Variants in GPC6 observed in about 807,000 individuals in gnomAD.
GPC6 encodes the protein glypican 6.
Under a neutral mutation model 55.2 loss-of-function variants are expected in GPC6, and 14 were observed. That is an observed-to-expected ratio of 0.25 (90% CI 0.17 to 0.40). The LOEUF (loss-of-function observed/expected upper bound fraction) is 0.40, where lower values mean the gene tolerates loss of function less well. Among genes scored for constraint, GPC6 ranks in the 10% least tolerant of loss-of-function variants. The pLI is 1.00. For missense variants in GPC6, 641 were observed against 708.5 expected (o/e 0.90, Z 1.08); for synonymous variants, 278 against 259.6 (o/e 1.07, Z -0.68).
intron 2 of GPC6, among the ~76,000 whole-genome samples, chr13:93,781,449 C>T (rs1182694295): frequency 3.9e-5 from 6 of 152,080 alleles, no homozygotes. Context: ...GTTAAGGGAT[C>T]GTTACAGGCA....
intron 4 of GPC6, chr13:94,187,386 A>C (rs1889235246): frequency 6.6e-6 from 1 of 152,222 alleles, no homozygotes; most frequent in South Asian, 2.1e-4. Context: ...AAGAAAAAGA[A>C]AGCAGAACGA....
chr13:93,276,654 C>T (rs867899781), intron 1 of GPC6, among the ~76,000 whole-genome samples: 3 of 151,944 alleles, frequency 2.0e-5, no homozygotes, highest in Non-Finnish European at 2.9e-5. Context: ...GGGGGTAAGG[C>T]AGCTCTTGGG....
intron 3 of GPC6, among the ~76,000 whole-genome samples, chr13:93,977,792 A>G (rs1409177158): frequency 6.6e-6 from 1 of 152,072 alleles, no homozygotes; most frequent in African/African-American, 2.4e-5. Flanking sequence ...CTTGTAGACA[A>G]TTCCCTGAAA....
chr13:94,061,491 C>T (rs1594704488), intron 4 of GPC6, among the ~76,000 whole-genome samples: 1 of 152,120 alleles, frequency 6.6e-6, no homozygotes, highest in East Asian at 1.9e-4. Flanking sequence ...ATAACTGCTC[C>T]TGCCCAAGGA....
At chr13:93,920,027 C>T (rs1386027895) in intron 3 of GPC6, among the ~76,000 whole-genome samples, 1 of 152,118 alleles carries the variant, frequency 6.6e-6, no homozygotes, top group Non-Finnish European at 1.5e-5. Flanking sequence ...AATCCAGCCT[C>T]TCCCATAATA....
At chr13:93,460,301 C>A (rs965413900) in intron 1 of GPC6, among the ~76,000 whole-genome samples, 2 of 152,094 alleles carry the variant, frequency 1.3e-5, no homozygotes, top group Non-Finnish European at 2.9e-5. Flanking sequence ...GGTTCTTCAA[C>A]CTTGGGGAAA....
intron 2 of GPC6, among the ~76,000 whole-genome samples, chr13:93,648,587 G>A (rs1022105973): frequency 1.3e-5 from 2 of 152,164 alleles, no homozygotes; most frequent in Non-Finnish European, 2.9e-5. Context: ...GAACTGCATA[G>A]GCAGTATTGC....
chr13:93,861,214 C>T (rs1245114953), intron 3 of GPC6, among the ~76,000 whole-genome samples: 2 of 149,758 alleles, frequency 1.3e-5, no homozygotes, highest in Non-Finnish European at 3.0e-5. Flanking sequence ...TTCTATTTCA[C>T]AGTAGTAAAA....
intron 1 of GPC6, among the ~76,000 whole-genome samples, chr13:93,515,508 G>T (rs2590523): frequency 0.94 from 143,160 of 151,990 alleles, 67,997 homozygotes; most frequent in East Asian, 1. Flanking sequence ...CTCCACCAAT[G>T]GCTAACTTCA....
At chr13:93,406,075 C>T (rs1194879431) in intron 1 of GPC6, among the ~76,000 whole-genome samples, 3 of 152,130 alleles carry the variant, frequency 2.0e-5, no homozygotes, top group African/African-American at 2.4e-5. Flanking sequence ...AGTGTCACTT[C>T]TACATTCTAT....
In GPC6 at chr13:94,296,375, A is replaced by G. The variant is rs865851624; in HGVS notation, c.1009-9605A>G. Among the ~76,000 whole-genome samples, 4 of 152,342 alleles carry G rather than the reference A, an allele frequency of 2.6e-5. No homozygotes were observed. In the South Asian group the frequency reaches 8.3e-4, roughly 32 times the overall value. On this transcript the variant is annotated intron_variant, in intron 5 of 8. Coordinates refer to ENST00000377047, the MANE Select transcript of GPC6 (RefSeq NM_005708.5). ...ACTCAAGAATAAATGATTGAAACACAATTCAGCTTTAACACTCAATGTGTA... is the reference window on the plus strand; with the variant it reads ...ACTCAAGAATAAATGATTGAAACACGATTCAGCTTTAACACTCAATGTGTA...
At chr13:94,315,316 A>G (rs1240566136) in intron 6 of GPC6, among the ~76,000 whole-genome samples, 5 of 152,244 alleles carry the variant, frequency 3.3e-5, no homozygotes, top group South Asian at 2.1e-4. Flanking sequence ...AAAATGGCCC[A>G]CAACAACACA....
chr13:93,506,954 G>T (rs1286908702), intron 1 of GPC6, among the ~76,000 whole-genome samples: 2 of 150,090 alleles, frequency 1.3e-5, no homozygotes, highest in African/African-American at 4.9e-5. Flanking sequence ...CCAGCTACTC[G>T]GGAGGCTGAG....
intron 2 of GPC6, among the ~76,000 whole-genome samples, chr13:93,621,043 C>T (rs1594317622): frequency 6.6e-6 from 1 of 152,274 alleles, no homozygotes; most frequent in East Asian, 1.9e-4. Flanking sequence ...AATTTGTCCA[C>T]TGTAACAGTT....
intron 1 of GPC6, among the ~76,000 whole-genome samples, chr13:93,418,730 G>T (rs1350295664): frequency 2.0e-5 from 3 of 147,630 alleles, no homozygotes; most frequent in Non-Finnish European, 4.5e-5. Flanking sequence ...ATACCGTAGT[G>T]TCATTTTATT....
In GPC6 at chr13:94,150,561, G is replaced by A. The variant is rs559994484; in HGVS notation, c.877+122667G>A. ...ATGCAATATACTTTTCTTATTTGAT[G>A]TCTTTTATCCTCTCCACCTGCAACA... On this transcript the variant is annotated intron_variant, in intron 4 of 8. Transcript: ENST00000377047. Among the ~76,000 whole-genome samples, 324 of 151,944 alleles carry A rather than the reference G, an allele frequency of 2.1e-3. 1 individual carries two copies. Among genetic ancestry groups the A allele is most frequent in the African/African-American group, 7.3e-3 (304 of 41,424 alleles).
intron 4 of GPC6, among the ~76,000 whole-genome samples, chr13:94,274,856 A>T (rs528844313): frequency 6.6e-6 from 1 of 152,170 alleles, no homozygotes; most frequent in African/African-American, 2.4e-5. Context: ...TCTACCTAAT[A>T]AAAAAGTACA....
chr13:93,358,241 G>A (rs1880920125), intron 1 of GPC6, among the ~76,000 whole-genome samples: 1 of 152,124 alleles, frequency 6.6e-6, no homozygotes, highest in Admixed American at 6.5e-5. Flanking sequence ...AGCACTCAAA[G>A]GCTGTGGTGG....
chr13:94,336,964 A>AAAAT (rs1877737847), intron 6 of GPC6, among the ~76,000 whole-genome samples: 1 of 152,218 alleles, frequency 6.6e-6, no homozygotes, highest in Non-Finnish European at 1.5e-5. Flanking sequence ...ATATCTCAGT[A>AAAAT]AAATAAAGGC....
Sources: allele counts gnomAD v4.1 joint callset (sites outside exome capture counted in the v4.1 genomes callset), GRCh38; gene constraint gnomAD v4.1.1; transcripts MANE v1.5; gene names NCBI Gene and HGNC (gene_info 2026-07-23, HGNC 2026-07-21).